The following MGAT4C variants were observed in gnomAD, a reference collection of about 807,000 sequenced individuals.
The protein encoded by MGAT4C is MGAT4 family member C.
MGAT4C carries 19 observed loss-of-function variants against 40.1 expected under a neutral mutation model. That is an observed-to-expected ratio of 0.47 (90% confidence interval 0.33 to 0.70). The LOEUF (loss-of-function observed/expected upper bound fraction) is 0.70, where lower values mean the gene tolerates loss of function less well. MGAT4C is among the 30% of genes least tolerant of loss of function. The pLI, the probability that MGAT4C is intolerant of heterozygous loss-of-function variation, is 0.02. For synonymous variants in MGAT4C, 181 were observed against 187.1 expected (o/e 0.97, Z 0.27); for missense variants, 491 against 563.2 (o/e 0.87, Z 1.30).
chr12:86,624,386 G>C (rs1377129367), intron 2 of MGAT4C, among the ~76,000 whole-genome samples: 3 of 152,104 alleles, frequency 2.0e-5, no homozygotes, highest in Non-Finnish European at 4.4e-5. Context: ...GGTTAAGGCA[G>C]AATTGTAAAC....
intron 3 of MGAT4C, among the ~76,000 whole-genome samples, chr12:86,347,877 T>A (rs1209399608): frequency 6.6e-6 from 1 of 152,210 alleles, no homozygotes; most frequent in African/African-American, 2.4e-5. Context: ...TCATGTTCTG[T>A]CCTTTTAATT....
At chr12:86,719,328 G>T (rs1006353560) in intron 2 of MGAT4C, among the ~76,000 whole-genome samples, 1 of 152,102 alleles carries the variant, frequency 6.6e-6, no homozygotes, top group Non-Finnish European at 1.5e-5. Context: ...TGTGCCTGTG[G>T]TTGTTTCAGT....
chr12:86,510,230 C>T lies in MGAT4C; in HGVS notation c.-228-74965G>A, dbSNP rs566158463. Among the ~76,000 whole-genome samples the T allele has an allele frequency of 7.2e-5, 11 of 152,110 alleles. No individual in the cohort carries two copies. The South Asian group carries it at 1.7e-3, about 23-fold the overall frequency. On this transcript the variant is annotated intron_variant, in intron 2 of 7. Coordinates refer to the MGAT4C transcript ENST00000548651. ...AGATAGCTCTTATTATTTTGAGATCCGTCCCATCAATACCTAATTTATTGA... is the reference window on the plus strand; with the variant it reads ...AGATAGCTCTTATTATTTTGAGATCTGTCCCATCAATACCTAATTTATTGA...
intron 3 of MGAT4C, among the ~76,000 whole-genome samples, chr12:86,405,716 T>C (rs1956452699): frequency 6.6e-6 from 1 of 151,454 alleles, no homozygotes; most frequent in Non-Finnish European, 1.5e-5. Context: ...AGATATAATA[T>C]ATAGCTGCAG....
At chr12:86,595,128 C>T (rs1410433978) in intron 2 of MGAT4C, among the ~76,000 whole-genome samples, 1 of 152,032 alleles carries the variant, frequency 6.6e-6, no homozygotes, top group Non-Finnish European at 1.5e-5. Flanking sequence ...TCATGCTGGG[C>T]CTAAGATTGT....
At chr12:86,824,560 G>A (rs773050116) in intron 1 of MGAT4C, among the ~76,000 whole-genome samples, 1 of 151,164 alleles carries the variant, frequency 6.6e-6, no homozygotes, top group Non-Finnish European at 1.5e-5. Context: ...ATTCCCTGCA[G>A]ATGAGATGGA....
chr12:86,194,222 C>T (rs1949707395), intron 1 of MGAT4C, among the ~76,000 whole-genome samples: 1 of 152,106 alleles, frequency 6.6e-6, no homozygotes, highest in Non-Finnish European at 1.5e-5. Flanking sequence ...TTGTTGTATA[C>T]ATTAATCATA....
intron 4 of MGAT4C, among the ~76,000 whole-genome samples, chr12:86,325,025 G>A (rs1954492942): frequency 6.6e-6 from 1 of 151,938 alleles, no homozygotes; most frequent in Non-Finnish European, 1.5e-5. Flanking sequence ...TTGACCTATT[G>A]TAGATGTTCA....
intron 3 of MGAT4C, among the ~76,000 whole-genome samples, chr12:86,404,402 G>A (rs1376240648): frequency 6.6e-6 from 1 of 152,068 alleles, no homozygotes; most frequent in African/African-American, 2.4e-5. Flanking sequence ...ATGTGACTAA[G>A]GATCTTGAGA....
intron 1 of MGAT4C, among the ~76,000 whole-genome samples, chr12:86,064,953 A>C (rs770786239): frequency 6.6e-6 from 1 of 152,222 alleles, no homozygotes; most frequent in Non-Finnish European, 1.5e-5. Flanking sequence ...ATAAATTAGA[A>C]AATCTAGAAG....
intron 2 of MGAT4C, among the ~76,000 whole-genome samples, chr12:86,439,281 C>G (rs1957187841): frequency 6.6e-6 from 1 of 152,016 alleles, no homozygotes; most frequent in South Asian, 2.1e-4. Context: ...AGTATCTTCT[C>G]AAACCATAGC....
chr12:86,360,117 C>T (rs912143650), intron 3 of MGAT4C, among the ~76,000 whole-genome samples: 2 of 152,264 alleles, frequency 1.3e-5, no homozygotes, highest in Non-Finnish European at 2.9e-5. Flanking sequence ...TCCAGCAGCA[C>T]ATCAAAAAGC....
chr12:86,139,143 C>T (rs1208484562), intron 1 of MGAT4C, among the ~76,000 whole-genome samples: 1 of 151,914 alleles, frequency 6.6e-6, no homozygotes, highest in Non-Finnish European at 1.5e-5. Context: ...TAATCTTATC[C>T]TTCTATGATG....
intron 2 of MGAT4C, among the ~76,000 whole-genome samples, chr12:86,043,155 T>C (rs929814093): frequency 2.6e-5 from 4 of 152,176 alleles, no homozygotes; most frequent in African/African-American, 4.8e-5. Flanking sequence ...TCATGGGTGA[T>C]ACCATCTGTA....
At chr12:86,814,547 T>C (rs1007614554) in intron 1 of MGAT4C, among the ~76,000 whole-genome samples, 2 of 151,834 alleles carry the variant, frequency 1.3e-5, no homozygotes, top group African/African-American at 4.8e-5. Flanking sequence ...ACAATTACAT[T>C]AATTCCAATT....
At chr12:86,726,245 A>T (rs1445100555) in intron 2 of MGAT4C, among the ~76,000 whole-genome samples, 1 of 152,242 alleles carries the variant, frequency 6.6e-6, no homozygotes, top group African/African-American at 2.4e-5. Context: ...GGTCATCAGG[A>T]AGTCACATGA....
At chr12:86,191,061 C>T (rs542892327) in intron 1 of MGAT4C, among the ~76,000 whole-genome samples, 1 of 148,116 alleles carries the variant, frequency 6.8e-6, no homozygotes, top group Non-Finnish European at 1.5e-5. Context: ...GAACCAATTT[C>T]TTAAAATCAC....
chr12:86,485,485 A>C (rs1958004692), intron 2 of MGAT4C, among the ~76,000 whole-genome samples: 1 of 103,060 alleles, frequency 9.7e-6, no homozygotes, highest in East Asian at 2.9e-4. Context: ...TAGGAATGTC[A>C]GAAATTGAAC....
At chr12:86,834,263 G>C (rs910670783) in intron 1 of MGAT4C, among the ~76,000 whole-genome samples, 1 of 151,778 alleles carries the variant, frequency 6.6e-6, no homozygotes, top group Admixed American at 6.6e-5. Flanking sequence ...AGGGAAAAAT[G>C]CCTCAGGGAA....
Sources: allele counts gnomAD v4.1 joint callset (sites outside exome capture counted in the v4.1 genomes callset), GRCh38; gene constraint gnomAD v4.1.1; transcripts MANE v1.5; gene names NCBI Gene and HGNC (gene_info 2026-07-23, HGNC 2026-07-21).